The following ENTHD1 variants were observed in gnomAD, a reference collection of about 807,000 sequenced individuals.
ENTHD1 encodes ENTH domain-containing protein 1.
A neutral mutation model predicts 39.1 loss-of-function variants in ENTHD1; 23 were observed. That is an observed-to-expected ratio of 0.59 (90% CI 0.42 to 0.83). The LOEUF is 0.83. Among genes scored for constraint, ENTHD1 ranks in the 40% least tolerant of loss-of-function variants. The probability of loss-of-function intolerance (pLI) is 0.00; values close to 1 mark genes in which losing one functional copy is unlikely to be tolerated. For missense variants in ENTHD1, 624 were observed against 705.4 expected (o/e 0.88, Z 1.31); for synonymous variants, 230 against 258.2 (o/e 0.89, Z 1.05).
In ENTHD1 at chr22:39,782,259, C is replaced by G. The variant is rs571643998; in HGVS notation, c.833-16650G>C. 2.0e-5 allele frequency among the ~76,000 whole-genome samples: 3 copies of G among 152,250 alleles called. No individual in the cohort carries two copies. In the East Asian group the frequency reaches 5.8e-4, roughly 29 times the overall value. ...CTGAGATTGTGCCACTGCACTCCAG[C>G]CTGGGCAACAGAGAGAGACTCTGTC... On this transcript the variant is annotated intron_variant, in intron 5 of 6. Transcript: ENST00000325157.
At chr22:39,780,430 C>T (rs572469471) in intron 5 of ENTHD1, among the ~76,000 whole-genome samples, 3 of 151,394 alleles carry the variant, frequency 2.0e-5, no homozygotes, top group South Asian at 4.2e-4. Flanking sequence ...CATAGAATAG[C>T]TGAATGGATA....
At chr22:39,750,639 G>C (rs2065140723) in intron 6 of ENTHD1, 1 of 152,596 alleles carries the variant, frequency 6.6e-6, no homozygotes, top group Non-Finnish European at 1.5e-5. Flanking sequence ...CCATTAGTTT[G>C]GGACAAATGC....
At chr22:39,780,961 T>G (rs1053817494) in intron 5 of ENTHD1, among the ~76,000 whole-genome samples, 19 of 147,800 alleles carry the variant, frequency 1.3e-4, no homozygotes, top group Non-Finnish European at 2.7e-4. Flanking sequence ...ATTGCGCCAC[T>G]GCACTCCAGC....
intron 2 of ENTHD1, among the ~76,000 whole-genome samples, chr22:39,882,699 A>T (rs1025186979): frequency 1.3e-5 from 2 of 152,150 alleles, no homozygotes; most frequent in Non-Finnish European, 2.9e-5. Flanking sequence ...AGTATATCAC[A>T]TTCATTAGAA....
intron 2 of ENTHD1, among the ~76,000 whole-genome samples, chr22:39,869,898 T>C (rs1390932767): frequency 1.3e-5 from 2 of 151,936 alleles, no homozygotes; most frequent in East Asian, 3.8e-4. Context: ...CTACAGTCAT[T>C]GAGATTTTTT....
At chr22:39,785,084 G>T (rs1229567980) in intron 5 of ENTHD1, among the ~76,000 whole-genome samples, 2 of 152,040 alleles carry the variant, frequency 1.3e-5, no homozygotes, top group African/African-American at 4.8e-5. Flanking sequence ...TAAAATGGTG[G>T]ATTAAGACAA....
intron 5 of ENTHD1, among the ~76,000 whole-genome samples, chr22:39,815,886 T>C (rs1192019423): frequency 6.6e-6 from 1 of 152,198 alleles, no homozygotes; most frequent in Non-Finnish European, 1.5e-5. Flanking sequence ...ACTCTACTTA[T>C]ATAAAGTTCA....
At chr22:39,875,605 A>C (rs1747260701) in intron 2 of ENTHD1, 10 of 1,611,450 alleles carry the variant, frequency 6.2e-6, no homozygotes, top group Non-Finnish European at 8.5e-6. Context: ...CTTCAAGAGA[A>C]AGCACCGAGG....
At chr22:39,788,700 T>C (rs978050094) in intron 5 of ENTHD1, among the ~76,000 whole-genome samples, 2 of 152,132 alleles carry the variant, frequency 1.3e-5, no homozygotes, top group African/African-American at 4.8e-5. Context: ...AAATCTTTTG[T>C]GAAAGGAAGA....
At chr22:39,874,652 TA>T (rs1362650866) in intron 2 of ENTHD1, 18 of 152,268 alleles carry the variant, frequency 1.2e-4, no homozygotes, top group African/African-American at 4.1e-4. Context: ...CCAAAATATG[TA>T]AAAATTCCTA....
intron 5 of ENTHD1, among the ~76,000 whole-genome samples, chr22:39,797,383 G>T (rs1264764193): frequency 1.3e-5 from 2 of 152,104 alleles, no homozygotes; most frequent in African/African-American, 4.8e-5. Flanking sequence ...GATAATGTGA[G>T]GACTTATTTG....
chr22:39,823,367 CAG>C (rs1477225770), intron 4 of ENTHD1, among the ~76,000 whole-genome samples: 3 of 151,926 alleles, frequency 2.0e-5, no homozygotes, highest in Admixed American at 6.6e-5. Context: ...CTTTTTGAGA[CAG>C]AGTCTCAGTC....
chr22:39,744,075 G>GC lies in ENTHD1; in HGVS notation c.1427dup (p.Val478SerfsTer4). On this transcript the variant is annotated frameshift_variant, in exon 7 of 7. Coordinates refer to ENST00000325157, the MANE Select transcript of ENTHD1 (RefSeq NM_152512.4). LOFTEE classifies it low-confidence loss of function (END_TRUNC). ...TTTCCTCTACATCAGAAGACACTGG[G>GC]CCCCTAGAAGCAAAGGAGTGATGCA... The GC allele has an allele frequency of 1.2e-6, 2 of 1,614,124 alleles. No individual in the cohort carries two copies. The highest frequency in any genetic ancestry group is 1.7e-6 in the Non-Finnish European group (2 of 1,180,000).
intron 3 of ENTHD1, among the ~76,000 whole-genome samples, chr22:39,839,074 C>T (rs895271483): frequency 7.9e-5 from 12 of 151,710 alleles, no homozygotes; most frequent in African/African-American, 9.7e-5. Context: ...ATATTTACAA[C>T]GTGCCAGAAT....
chr22:39,812,013 AAC>A (rs1011002712), intron 5 of ENTHD1, among the ~76,000 whole-genome samples: 11 of 27,610 alleles, frequency 4.0e-4, no homozygotes, highest in African/African-American at 1.6e-3. Flanking sequence ...CAAACAAACA[AAC>A]AAAAAAAAAA....
intron 5 of ENTHD1, among the ~76,000 whole-genome samples, chr22:39,776,696 T>A (rs2146577898): frequency 6.6e-6 from 1 of 152,234 alleles, no homozygotes; most frequent in Admixed American, 6.5e-5. Context: ...CAAAAACACC[T>A]CCATGCTTTG....
intron 2 of ENTHD1, among the ~76,000 whole-genome samples, chr22:39,873,779 T>C (rs937020931): frequency 6.6e-6 from 1 of 152,208 alleles, no homozygotes; most frequent in African/African-American, 2.4e-5. Context: ...CAAAAGCTAA[T>C]TCTAGATGGA....
In ENTHD1 at chr22:39,743,622, G is replaced by A. The variant is rs1225400797; in HGVS notation, c.*57C>T. On this transcript the variant is annotated 3_prime_UTR_variant, in exon 7 of 7. Coordinates refer to ENST00000325157, the MANE Select transcript of ENTHD1 (RefSeq NM_152512.4). Reference sequence around the variant, plus strand: ...TAATATGAATTTATACAATGCTAACGTAAGTCTTGGGGAAGTGGAACCACA... The same window carrying A: ...TAATATGAATTTATACAATGCTAACATAAGTCTTGGGGAAGTGGAACCACA... 1.1e-5 allele frequency: 16 copies of A among 1,511,462 alleles called. No individual in the cohort carries two copies. Among genetic ancestry groups the A allele is most frequent in the South Asian group, 1.4e-5 (1 of 72,538 alleles). 93.6% of individuals were successfully genotyped at this position (1,511,462 alleles called of 1,614,324 possible). A position where few individuals can be genotyped will look rare whatever the true frequency, so the allele number is the denominator to read the frequency against.
intron 3 of ENTHD1, among the ~76,000 whole-genome samples, chr22:39,852,158 CT>C (rs2066045704): frequency 6.6e-6 from 1 of 151,290 alleles, no homozygotes; most frequent in South Asian, 2.1e-4. Context: ...CATGGTGAAA[CT>C]TTGTTTCTAC....
Sources: allele counts gnomAD v4.1 joint callset (sites outside exome capture counted in the v4.1 genomes callset), GRCh38; gene constraint gnomAD v4.1.1; transcripts MANE v1.5; gene names NCBI Gene and HGNC (gene_info 2026-07-23, HGNC 2026-07-21).